The following C8orf34 variants were observed in gnomAD, a reference collection of about 807,000 sequenced individuals.
The protein encoded by C8orf34 is chromosome 8 open reading frame 34.
Under a neutral mutation model 68.3 loss-of-function variants are expected in C8orf34, and 65 were observed. That is an observed-to-expected ratio of 0.95 (90% CI 0.78 to 1.17). The LOEUF (loss-of-function observed/expected upper bound fraction) is 1.17, where lower values mean the gene tolerates loss of function less well. C8orf34 is among the 50% of genes most tolerant of loss of function. The probability of loss-of-function intolerance (pLI) is 0.00; values close to 1 mark genes in which losing one functional copy is unlikely to be tolerated. For synonymous variants in C8orf34, 244 were observed against 241.2 expected (o/e 1.01, Z -0.11); for missense variants, 664 against 655.4 (o/e 1.01, Z -0.14).
chr8:68,771,038 G>A (rs1823321609), intron 10 of C8orf34, among the ~76,000 whole-genome samples: 1 of 152,096 alleles, frequency 6.6e-6, no homozygotes, highest in Admixed American at 6.6e-5. Context: ...GTATTTATTT[G>A]GAAGATTGTG....
intron 7 of C8orf34, among the ~76,000 whole-genome samples, chr8:68,553,205 G>A (rs1467974937): frequency 6.6e-6 from 1 of 151,718 alleles, no homozygotes; most frequent in Non-Finnish European, 1.5e-5. Context: ...CTAACACCGT[G>A]AAATCCTGTC....
At chr8:68,765,465 C>T (rs1823144668) in intron 10 of C8orf34, among the ~76,000 whole-genome samples, 1 of 152,104 alleles carries the variant, frequency 6.6e-6, no homozygotes, top group South Asian at 2.1e-4. Flanking sequence ...TTTGGACCCA[C>T]CAATGGAAAT....
chr8:68,660,953 G>A (rs1010180674), intron 8 of C8orf34, among the ~76,000 whole-genome samples: 1 of 152,142 alleles, frequency 6.6e-6, no homozygotes, highest in African/African-American at 2.4e-5. Context: ...GCCTGGGGGA[G>A]AAAATATATA....
intron 4 of C8orf34, among the ~76,000 whole-genome samples, 168 bp downstream of exon 4, chr8:68,468,988 A>G (rs998988770): frequency 6.6e-6 from 1 of 152,110 alleles, no homozygotes; most frequent in African/African-American, 2.4e-5. Context: ...TGCATATTAT[A>G]CAGATTCTTG....
At chr8:68,788,422 G>A (rs1303407515) in intron 12 of C8orf34, among the ~76,000 whole-genome samples, 1 of 152,188 alleles carries the variant, frequency 6.6e-6, no homozygotes, top group African/African-American at 2.4e-5. Flanking sequence ...GTCAGAGGGA[G>A]CACAGGCATG....
chr8:68,726,383 A>C (rs1360376674), intron 10 of C8orf34, among the ~76,000 whole-genome samples: 1 of 152,214 alleles, frequency 6.6e-6, no homozygotes. Flanking sequence ...GAGAAACCAG[A>C]GCAGTATGGA....
intron 1 of C8orf34, among the ~76,000 whole-genome samples, chr8:68,414,701 G>T (rs1056271422): frequency 2.0e-5 from 3 of 152,092 alleles, no homozygotes; most frequent in Non-Finnish European, 2.9e-5. Context: ...AATTATTCAT[G>T]ATGTTATTCA....
At chr8:68,333,615 G>T (rs1805724914) in intron 1 of C8orf34, among the ~76,000 whole-genome samples, 1 of 152,142 alleles carries the variant, frequency 6.6e-6, no homozygotes, top group South Asian at 2.1e-4. Context: ...CCTGTGAAAT[G>T]GACATTGTTG....
At chr8:68,739,006 T>G (rs1379224071) in intron 10 of C8orf34, among the ~76,000 whole-genome samples, 1 of 151,780 alleles carries the variant, frequency 6.6e-6, no homozygotes, top group Non-Finnish European at 1.5e-5. Context: ...AAGAAAACAT[T>G]AGGCCAATAT....
chr8:68,730,419 G>A (rs1162047884), intron 10 of C8orf34, among the ~76,000 whole-genome samples: 1 of 152,056 alleles, frequency 6.6e-6, no homozygotes, highest in African/African-American at 2.4e-5. Context: ...TGCCATAGTA[G>A]GCAAGTTATC....
At chr8:68,593,547 A>T (rs1054571320) in intron 7 of C8orf34, among the ~76,000 whole-genome samples, 12 of 151,814 alleles carry the variant, frequency 7.9e-5, no homozygotes, top group Non-Finnish European at 1.3e-4. Context: ...GTCTAGCAAA[A>T]ATTTTTTCTA....
intron 1 of C8orf34, chr8:68,438,692 C>T (rs975932880): frequency 2.6e-5 from 4 of 152,128 alleles, no homozygotes; most frequent in South Asian, 4.1e-4. Flanking sequence ...ATGATATCCA[C>T]GTGGCTTGAC....
intron 12 of C8orf34, chr8:68,791,091 G>A (rs754080170): frequency 2.0e-4 from 113 of 564,642 alleles, no homozygotes; most frequent in Non-Finnish European, 3.1e-4. Context: ...AGACATGCAA[G>A]ACAGTGTATT....
intron 1 of C8orf34, among the ~76,000 whole-genome samples, chr8:68,424,856 C>A (rs187785599): frequency 1.3e-5 from 2 of 152,014 alleles, no homozygotes; most frequent in Non-Finnish European, 2.9e-5. Flanking sequence ...GCTGAGATTG[C>A]GCCACTGCAC....
At chr8:68,505,662 C>T (rs959448908) in intron 5 of C8orf34, among the ~76,000 whole-genome samples, 3 of 96,860 alleles carry the variant, frequency 3.1e-5, no homozygotes, top group Admixed American at 1.8e-4. Flanking sequence ...ACCCGGGAAG[C>T]GGAGCTTGCC....
At chr8:68,739,574 C>T (rs1822221034) in intron 10 of C8orf34, among the ~76,000 whole-genome samples, 1 of 152,094 alleles carries the variant, frequency 6.6e-6, no homozygotes, top group South Asian at 2.1e-4. Context: ...CAAAACACTG[C>T]TCAAAGAAAT....
At chr8:68,737,241 T>C (rs549383807) in intron 10 of C8orf34, among the ~76,000 whole-genome samples, 1 of 152,244 alleles carries the variant, frequency 6.6e-6, no homozygotes, top group East Asian at 1.9e-4. Context: ...CTCCATATCT[T>C]CAACTTCTTT....
At chr8:68,357,234 C>T (rs905415765) in intron 1 of C8orf34, among the ~76,000 whole-genome samples, 2 of 151,994 alleles carry the variant, frequency 1.3e-5, no homozygotes, top group Non-Finnish European at 2.9e-5. Context: ...TTTATTGAGA[C>T]ATTCTCTAGT....
intron 11 of C8orf34, among the ~76,000 whole-genome samples, chr8:68,784,871 C>T (rs1823801729): frequency 6.6e-6 from 1 of 151,812 alleles, no homozygotes; most frequent in Non-Finnish European, 1.5e-5. Flanking sequence ...GATGGTTCGG[C>T]TTATCTTGTA....
Sources: allele counts gnomAD v4.1 joint callset (sites outside exome capture counted in the v4.1 genomes callset), GRCh38; gene constraint gnomAD v4.1.1; transcripts MANE v1.5; gene names NCBI Gene and HGNC (gene_info 2026-07-23, HGNC 2026-07-21).